ARMC5: variants seen among roughly 807,000 people sequenced by gnomAD.
ARMC5 encodes the protein armadillo repeat containing 5, also known as armadillo repeat-containing protein 5.
In ARMC5, 28 loss-of-function variants were observed where a neutral mutation model predicts 60.5. That is an observed-to-expected ratio of 0.46 (90% confidence interval 0.34 to 0.63). ARMC5 has a LOEUF of 0.63. Ranked by LOEUF, ARMC5 falls within the 30% of genes least tolerant of loss-of-function variation. The pLI, the probability that ARMC5 is intolerant of heterozygous loss-of-function variation, is 0.01. For synonymous variants in ARMC5, 680 were observed against 607.3 expected (o/e 1.12, Z -1.76); for missense variants, 1,189 against 1,304.9 (o/e 0.91, Z 1.37).
rs533173193 is a variant in ARMC5, at chr16:31,464,324, C to T, written c.1371-70C>T. On this transcript the variant is annotated intron_variant, in intron 3 of 5. Transcript: ENST00000268314. The surrounding 1 kb of genome is among the most constrained non-coding windows in gnomAD (Gnocchi z 7.6). ...AAAAAAAAAAAAAAAAAAGACGCCTCACGCCTCTTGGACTCTGCCCCTTAA... is the reference window on the plus strand; with the variant it reads ...AAAAAAAAAAAAAAAAAAGACGCCTTACGCCTCTTGGACTCTGCCCCTTAA... 1.1e-3 allele frequency: 922 copies of T among 836,332 alleles called. 7 individuals carry two copies. In the African/African-American group the frequency reaches 0.014, roughly 12 times the overall value. 51.8% of individuals were successfully genotyped at this position (836,332 alleles called of 1,614,324 possible).
rs538649451 is a variant in ARMC5 at position 31,459,865 on chromosome 16, TGTC to T, written c.348_350del (p.Ser118del). On this transcript the variant is annotated inframe_deletion, in exon 1 of 6. Coordinates refer to ENST00000268314, the MANE Select transcript of ARMC5 (RefSeq NM_001105247.2). The stretch of plus-strand genomic sequence containing the variant: ...GCGTCGGGCCCCGCCCCCTCCGCTG[TGTC>T]GTCGTCTAGTCCTACGCCGCCAGTG... 3.2e-4 allele frequency: 519 copies of T among 1,602,246 alleles called. 13 individuals are homozygous for T. In the South Asian group the frequency reaches 4.2e-3, roughly 13 times the overall value.
At chr16:31,461,279 A>G (rs2082301233) in intron 1 of ARMC5, among the ~76,000 whole-genome samples, 1 of 152,184 alleles carries the variant, frequency 6.6e-6, no homozygotes, top group African/African-American at 2.4e-5. Flanking sequence ...GTCAGATTGT[A>G]TCGTGTCACT....
chr16:31,458,361 T>C, upstream of ARMC5: 5 of 1,526,200 alleles, frequency 3.3e-6, no homozygotes, highest in Non-Finnish European at 4.4e-6. Flanking sequence ...ACGCTGAAAG[T>C]CTTACCACAC....
chr16:31,465,882 G>T lies in ARMC5; in HGVS notation c.1897G>T (p.Ala633Ser). The T allele has an allele frequency of 6.2e-7, 1 of 1,609,540 alleles. No homozygotes were observed. Residue 633 changes from alanine (A) to serine (S), a missense_variant, in exon 5 of 6, where the codon GCT becomes TCT. By Grantham distance (99) the Ala-to-Ser change is moderately conservative. Coordinates refer to ENST00000268314, the MANE Select transcript of ARMC5 (RefSeq NM_001105247.2). ...GCTACTGCAGAACCTGACGGTTCAG[G>T]CTGAGTCGCCCTTTGGGGTTGGGGC... is the stretch of plus-strand genomic sequence containing the variant. ...ERLLQNLTVQAESPFGVGALT... is the reference protein window; with the variant it reads ...ERLLQNLTVQSESPFGVGALT...
At position 31,459,675 on chromosome 16, in the gene ARMC5, C is replaced by T; in HGVS notation, c.151C>T (p.His51Tyr). 1 of 1,577,372 alleles carries T rather than the reference C, an allele frequency of 6.3e-7. No individual in the cohort carries two copies. Among genetic ancestry groups the T allele is most frequent in the Non-Finnish European group, 8.5e-7 (1 of 1,170,644 alleles). ...SRALLALRTR[H>Y]IKAAGGIERF... ...CGCGCTCCTAGCCCTCCGCACGCGC[C>T]ACATCAAGGCAGCGGGGGGAATCGA... The change falls in exon 1 of 6, where the codon CAC (histidine) becomes TAC (tyrosine). Residue 51 changes from histidine (H) to tyrosine (Y), a missense_variant. Around this residue, in one of 2 missense-constraint regions of ARMC5, gnomAD observed 327 missense variants for 233.7 expected, o/e 1.40. Coordinates refer to ENST00000268314, the MANE Select transcript of ARMC5 (RefSeq NM_001105247.2).
Position 31,459,864 on chromosome 16 carries a change from G to C in ARMC5, c.340G>C (p.Val114Leu), listed in dbSNP as rs1050026325. ...APASGPAPSA[V>L]SSSSPTPPVR... ...CGCGTCGGGCCCCGCCCCCTCCGCT[G>C]TGTCGTCGTCTAGTCCTACGCCGCC... The change falls in exon 1 of 6, where the codon GTG becomes CTG. Residue 114 changes from valine to leucine, a missense_variant. Val to Leu is a conservative substitution (Grantham distance 32, BLOSUM62 1). Transcript: ENST00000268314. The C allele has an allele frequency of 7.5e-6, 12 of 1,601,836 alleles. No individual in the cohort carries two copies. Among genetic ancestry groups the C allele is most frequent in the Admixed American group, 6.7e-5 (4 of 59,582 alleles).
At chr16:31,463,793 T>TA (rs1223074431) in intron 3 of ARMC5, among the ~76,000 whole-genome samples, 1 of 152,170 alleles carries the variant, frequency 6.6e-6, no homozygotes, top group African/African-American at 2.4e-5. Flanking sequence ...ATGGTACTCT[T>TA]ACTTCTTGTC....
At chr16:31,458,782 C>T (rs2082269742), upstream of ARMC5, 131 of 1,514,474 alleles carry the variant, frequency 8.6e-5, 2 homozygotes, top group South Asian at 1.6e-3. Context: ...CCGCCCCGCC[C>T]CGTCCGGATT....
chr16:31,459,379 G>T, upstream of ARMC5: 1 of 1,536,710 alleles, frequency 6.5e-7, no homozygotes, highest in Non-Finnish European at 8.7e-7. Context: ...GACTTCCGGG[G>T]TCGAGAACTA....
intron 4 of ARMC5, 166 bp from the exon 5 acceptor site, chr16:31,465,684 T>C: frequency 6.2e-6 from 9 of 1,446,288 alleles, no homozygotes; most frequent in Non-Finnish European, 8.1e-6. Flanking sequence ...GTCCTTGTCC[T>C]GGACCTCAGG....
chr16:31,459,219 T>C (rs3813002), upstream of ARMC5: 1,068,159 of 1,531,604 alleles, frequency 0.7, 374,220 homozygotes, highest in Admixed American at 0.81. Flanking sequence ...TCGGAGGCCC[T>C]GGCCCACCTG....
Position 31,466,286 on chromosome 16 carries a change from C to G in ARMC5, c.2205C>G (p.Leu735=), listed in dbSNP as rs769272226. ...PMDLDSPSPC[L]YEPLLGPAPV... ...ACCTAGACTCACCTTCCCCTTGCCT[C>G]TATGAACCTCTGCTGGGCCCAGCCC... The change falls in exon 6 of 6, where the codon CTC becomes CTG. Residue 735 remains leucine (L), a synonymous_variant. Transcript: ENST00000268314. The surrounding 1 kb of genome is among the most constrained non-coding windows in gnomAD (Gnocchi z 8.0). 1.2e-6 allele frequency: 2 copies of G among 1,613,956 alleles called. No homozygotes were observed. The highest frequency in any genetic ancestry group is 2.2e-5 in the South Asian group (2 of 91,088).
intron 4 of ARMC5, chr16:31,465,161 GCTT>G (rs1351496554): frequency 6.2e-7 from 1 of 1,610,444 alleles, no homozygotes; most frequent in Admixed American, 1.7e-5. Context: ...GCTGGTCTGT[GCTT>G]CTTTCCTGGC....
At position 31,464,513 on chromosome 16, in the gene ARMC5, C is replaced by T. The variant is rs759389618; in HGVS notation, c.1490C>T (p.Ser497Leu). ...EPASPAPTPT[S>L]LRAPRTQRTP... Reference sequence around the variant, plus strand: ...GCCAGCCCCGCCCCGACCCCGACCTCGCTGCGGGCACCACGCACCCAACGC... The same window carrying T: ...GCCAGCCCCGCCCCGACCCCGACCTTGCTGCGGGCACCACGCACCCAACGC... Residue 497 changes from serine (S) to leucine (L), a missense_variant, in exon 4 of 6, where the codon TCG becomes TTG. Ser to Leu is a moderately radical substitution (Grantham distance 145). Coordinates refer to ENST00000268314, the MANE Select transcript of ARMC5 (RefSeq NM_001105247.2). This position sits in a 1 kb window ranked among gnomAD's most constrained non-coding sequence, Gnocchi z 7.6. The T allele has an allele frequency of 3.9e-5, 62 of 1,604,648 alleles. No individual in the cohort carries two copies. Among genetic ancestry groups the T allele is most frequent in the South Asian group, 3.1e-4 (28 of 90,126 alleles).
Position 31,459,732 on chromosome 16 carries a change from C to T in ARMC5, c.208C>T (p.Leu70=), listed in dbSNP as rs751157724. 39 of 1,553,428 alleles carry T rather than the reference C, an allele frequency of 2.5e-5. No homozygotes were observed. The highest frequency in any genetic ancestry group is 3.1e-5 in the Non-Finnish European group (36 of 1,160,686). The change falls in exon 1 of 6, where the codon CTA becomes TTA. Residue 70 remains leucine (L), a synonymous_variant. Coordinates refer to ENST00000268314, the MANE Select transcript of ARMC5 (RefSeq NM_001105247.2). ...CCGGGCACGCGGCGGGCTCCGCCCC[C>T]TACTCGCGCTGCTACGGCGAGCGGC... ...RFRARGGLRP[L]LALLRRAAAA...
chr16:31,464,730 T>C lies in ARMC5; in HGVS notation c.1707T>C (p.Ile569=), dbSNP rs1225128956. 1.3e-6 allele frequency: 2 copies of C among 1,599,038 alleles called. No individual in the cohort carries two copies. Among genetic ancestry groups the C allele is most frequent in the African/African-American group, 1.3e-5 (1 of 74,876 alleles). ...PGPPSPRALR[I]LSRLTCNPAC... ...CGCCCAGCCCACGTGCACTGCGCATTCTGTCACGCCTCACCTGCAACCCTG... is the reference window on the plus strand; with the variant it reads ...CGCCCAGCCCACGTGCACTGCGCATCCTGTCACGCCTCACCTGCAACCCTG... Residue 569 remains isoleucine (I), a synonymous_variant, in exon 4 of 6, where the codon ATT becomes ATC. Transcript: ENST00000268314. This position sits in a 1 kb window ranked among gnomAD's most constrained non-coding sequence, Gnocchi z 7.6.
At chr16:31,458,488 T>C, upstream of ARMC5, 1 of 1,535,734 alleles carries the variant, frequency 6.5e-7, no homozygotes. Flanking sequence ...GCTTCTGCCA[T>C]AACCCGGACA....
At chr16:31,458,663 G>C (rs2082268119), upstream of ARMC5, 10 of 1,443,332 alleles carry the variant, frequency 6.9e-6, no homozygotes, top group Non-Finnish European at 9.1e-6. Context: ...ACCATTTTCC[G>C]GGCGGGCAGC....
In ARMC5 at chr16:31,466,870, G is replaced by A. The variant is rs369855166; in HGVS notation, c.2789G>A (p.Gly930Glu). 6.4e-7 allele frequency: 1 copy of A among 1,572,426 alleles called. No individual in the cohort carries two copies. The highest frequency in any genetic ancestry group is 1.4e-5 in the African/African-American group (1 of 73,564). ...GCTGTGGTGATGGGGATTGAGTTGG[G>A]GGCAAGGGTCCCTGCCTAGACTGTT... The part of the protein sequence containing the change: ...LLAVVMGIEL[G>E]ARVPA The change falls in exon 6 of 6, where the codon GGG (glycine) becomes GAG (glutamate). Residue 930 changes from glycine to glutamate, a missense_variant. Physicochemically the swap from Gly to Glu is moderately conservative, Grantham distance 98. Transcript: ENST00000268314. This position sits in a 1 kb window ranked among gnomAD's most constrained non-coding sequence, Gnocchi z 8.0.
Sources: allele counts gnomAD v4.1 joint callset (sites outside exome capture counted in the v4.1 genomes callset), GRCh38; gene constraint gnomAD v4.1.1; regional missense constraint gnomAD v4.1.1; non-coding constraint Gnocchi (gnomAD v3.1); transcripts MANE v1.5; gene names NCBI Gene and HGNC (gene_info 2026-07-23, HGNC 2026-07-21).